The following SLC24A3 variants were observed in gnomAD, a reference collection of about 807,000 sequenced individuals.
SLC24A3 encodes the protein sodium/potassium/calcium exchanger 3.
A neutral mutation model predicts 75.8 loss-of-function variants in SLC24A3; 28 were observed. That is an observed-to-expected ratio of 0.37 (90% confidence interval 0.27 to 0.51). SLC24A3 has a LOEUF of 0.51. SLC24A3 is among the 20% of genes least tolerant of loss of function. SLC24A3 has a pLI of 0.94. For synonymous variants in SLC24A3, 372 were observed against 334.1 expected, an observed-to-expected ratio of 1.11 and a Z score of -1.24; for missense variants, 663 against 847.8, an observed-to-expected ratio of 0.78 and a Z score of 2.71.
At chr20:19,678,514 T>C (rs2032559279) in intron 9 of SLC24A3, among the ~76,000 whole-genome samples, 1 of 129,668 alleles carries the variant, frequency 7.7e-6, no homozygotes, top group African/African-American at 3.0e-5. Flanking sequence ...GGCGGGGGGC[T>C]GACCCCCCAA....
At chr20:19,652,511 T>C (rs1055092365) in intron 6 of SLC24A3, among the ~76,000 whole-genome samples, 6 of 152,248 alleles carry the variant, frequency 3.9e-5, no homozygotes, top group Non-Finnish European at 7.3e-5. Context: ...AAGAATACTT[T>C]ATATTTATTC....
At chr20:19,531,402 A>G (rs1201547888) in intron 3 of SLC24A3, among the ~76,000 whole-genome samples, 1 of 152,254 alleles carries the variant, frequency 6.6e-6, no homozygotes, top group Non-Finnish European at 1.5e-5. Flanking sequence ...GTACAAATAC[A>G]GCATTCAGTT....
At chr20:19,532,853 G>T (rs1405806775) in intron 3 of SLC24A3, among the ~76,000 whole-genome samples, 1 of 152,216 alleles carries the variant, frequency 6.6e-6, no homozygotes, top group Non-Finnish European at 1.5e-5. Flanking sequence ...ACAGGCTATT[G>T]AGAGAGCACA....
chr20:19,212,835 G>T lies in SLC24A3; in HGVS notation c.-8G>T. The stretch of plus-strand genomic sequence containing the variant: ...CGCCCGCCGAGGCCGCCGCCCGGCC[G>T]CCCGAGGATGCGGCCGTCCGGCGAC... On this transcript the variant is annotated 5_prime_UTR_variant, in exon 1 of 17. Transcript: ENST00000328041. The T allele has an allele frequency of 9.8e-7, 1 of 1,016,158 alleles. No homozygotes were observed. The highest frequency in any genetic ancestry group is 4.5e-5 in the South Asian group (1 of 22,404). The allele number at this position is 1,016,158 out of a possible 1,614,324, so 62.9% of individuals were successfully genotyped here. A position where few individuals can be genotyped will look rare whatever the true frequency, so the allele number is the denominator to read the frequency against.
At chr20:19,333,540 A>G (rs1269040985) in intron 2 of SLC24A3, among the ~76,000 whole-genome samples, 1 of 152,074 alleles carries the variant, frequency 6.6e-6, no homozygotes, top group African/African-American at 2.4e-5. Context: ...GAGAAACGAA[A>G]TTTTTTAAAA....
chr20:19,401,988 C>T (rs1032756838), intron 2 of SLC24A3, among the ~76,000 whole-genome samples: 6 of 152,156 alleles, frequency 3.9e-5, no homozygotes, highest in African/African-American at 1.4e-4. Context: ...GCTCACATCC[C>T]CAAAATCATT....
chr20:19,310,697 C>A (rs1221702273), intron 2 of SLC24A3, among the ~76,000 whole-genome samples: 1 of 152,208 alleles, frequency 6.6e-6, no homozygotes, highest in Non-Finnish European at 1.5e-5. Flanking sequence ...TTCAGGGCAG[C>A]AAGCATATAA....
chr20:19,239,803 A>G (rs1364283190), intron 1 of SLC24A3, among the ~76,000 whole-genome samples: 1 of 152,244 alleles, frequency 6.6e-6, no homozygotes, highest in East Asian at 1.9e-4. Flanking sequence ...GAGTGGAGGC[A>G]TGGGTGAGGA....
At chr20:19,457,416 A>G (rs1395406269) in intron 2 of SLC24A3, among the ~76,000 whole-genome samples, 1 of 152,264 alleles carries the variant, frequency 6.6e-6, no homozygotes, top group Non-Finnish European at 1.5e-5. Context: ...AATTATTTAT[A>G]GTCTACTTAC....
intron 1 of SLC24A3, among the ~76,000 whole-genome samples, chr20:19,236,156 G>A (rs951647179): frequency 6.6e-6 from 1 of 152,162 alleles, no homozygotes; most frequent in African/African-American, 2.4e-5. Context: ...GTAACATATG[G>A]GTCTAAATAG....
chr20:19,519,023 C>A (rs1212739164), intron 3 of SLC24A3, among the ~76,000 whole-genome samples: 5 of 152,136 alleles, frequency 3.3e-5, no homozygotes, highest in Non-Finnish European at 7.4e-5. Context: ...GGTGTCCTGC[C>A]ACCTCAGGCT....
chr20:19,597,528 A>T (rs1350876340), intron 6 of SLC24A3, among the ~76,000 whole-genome samples: 1 of 152,244 alleles, frequency 6.6e-6, no homozygotes, highest in Non-Finnish European at 1.5e-5. Flanking sequence ...CTGGGTATTT[A>T]GAGTGTCTGT....
At chr20:19,215,039 T>C (rs1169152350) in intron 1 of SLC24A3, among the ~76,000 whole-genome samples, 1 of 152,124 alleles carries the variant, frequency 6.6e-6, no homozygotes, top group Admixed American at 6.5e-5. Flanking sequence ...TTTTTTTCCG[T>C]TAGGTATTGA....
At chr20:19,453,171 C>T (rs371641507) in intron 2 of SLC24A3, among the ~76,000 whole-genome samples, 35 of 152,238 alleles carry the variant, frequency 2.3e-4, no homozygotes, top group African/African-American at 7.7e-4. Context: ...CAGAGCGAGA[C>T]TCTGCCTCGA....
In SLC24A3 at chr20:19,217,057, T is replaced by C. The variant is rs1308387671; in HGVS notation, c.142+4073T>C. 2.6e-5 allele frequency among the ~76,000 whole-genome samples: 4 copies of C among 152,370 alleles called. No homozygotes were observed. The East Asian group carries it at 7.7e-4, about 29-fold the overall frequency. ...GGCCTCTCCATGCGATCTCTTTATG[T>C]GGCTCACTTTGAACTCCCTGAGAGC... On this transcript the variant is annotated intron_variant, in intron 1 of 16. Transcript: ENST00000328041.
chr20:19,602,590 C>A (rs972984559), intron 6 of SLC24A3, among the ~76,000 whole-genome samples: 10 of 152,202 alleles, frequency 6.6e-5, no homozygotes, highest in African/African-American at 2.4e-4. Context: ...ACTCTAGAAT[C>A]CAAGCCATAA....
chr20:19,253,024 T>A (rs1235181967), intron 1 of SLC24A3, among the ~76,000 whole-genome samples: 1 of 152,238 alleles, frequency 6.6e-6, no homozygotes, highest in Admixed American at 6.5e-5. Context: ...GGAGCAATTC[T>A]TGGACACTTG....
At chr20:19,309,604 T>G (rs1984408617) in intron 2 of SLC24A3, among the ~76,000 whole-genome samples, 1 of 152,210 alleles carries the variant, frequency 6.6e-6, no homozygotes, top group Admixed American at 6.6e-5. Context: ...CTTCTATTTT[T>G]TCTCCTCTTT....
chr20:19,507,938 C>G (rs1329412085), intron 2 of SLC24A3, among the ~76,000 whole-genome samples: 1 of 152,096 alleles, frequency 6.6e-6, no homozygotes, highest in African/African-American at 2.4e-5. Context: ...GTGCTGATGA[C>G]AAAGAGAGAA....
Sources: gnomAD v4.1 joint callset for allele counts (sites outside exome capture counted in the v4.1 genomes callset) on GRCh38, gnomAD v4.1.1 for gene constraint, MANE v1.5 for transcripts, NCBI Gene and HGNC (gene_info 2026-07-23, HGNC 2026-07-21) for gene names.